The following NKD1 variants were observed in gnomAD, a reference collection of about 807,000 sequenced individuals.
NKD1 encodes the protein NKD inhibitor of Wnt signaling pathway 1.
NKD1 carries 21 observed loss-of-function variants against 56.0 expected under a neutral mutation model. The ratio of observed to expected loss-of-function variants is 0.38; its 90% CI spans 0.27 to 0.54. The LOEUF is 0.54. Among genes scored for constraint, NKD1 ranks in the 20% least tolerant of loss-of-function variants. The pLI, the probability that NKD1 is intolerant of heterozygous loss-of-function variation, is 0.82. For synonymous variants in NKD1, 263 were observed against 265.7 expected, an observed-to-expected ratio of 0.99 and a Z score of 0.10; for missense variants, 578 against 642.7, an observed-to-expected ratio of 0.90 and a Z score of 1.09.
chr16:50,626,535 G>A (rs1962219446), intron 6 of NKD1, among the ~76,000 whole-genome samples: 1 of 152,202 alleles, frequency 6.6e-6, no homozygotes, highest in Admixed American at 6.5e-5. Context: ...GACGCCAGGG[G>A]CTCAGGGTGT....
At chr16:50,571,549 C>T (rs916270489) in intron 3 of NKD1, 2 of 984,714 alleles carry the variant, frequency 2.0e-6, no homozygotes, top group Non-Finnish European at 1.2e-6. Context: ...CTCCCAGTCC[C>T]AGTGACGGGC....
intron 3 of NKD1, among the ~76,000 whole-genome samples, chr16:50,578,987 A>G (rs1484380748): frequency 6.6e-6 from 1 of 152,168 alleles, no homozygotes; most frequent in Non-Finnish European, 1.5e-5. Context: ...GTCATTGTGC[A>G]TGTGTTCCTG....
At chr16:50,627,621 C>G (rs1339060961) in intron 6 of NKD1, among the ~76,000 whole-genome samples, 1 of 152,234 alleles carries the variant, frequency 6.6e-6, no homozygotes, top group Non-Finnish European at 1.5e-5. Flanking sequence ...CAGATGGGCT[C>G]CCACCTCACG....
intron 3 of NKD1, among the ~76,000 whole-genome samples, chr16:50,585,503 C>T (rs1052207670): frequency 6.6e-6 from 1 of 152,194 alleles, no homozygotes; most frequent in Non-Finnish European, 1.5e-5. Flanking sequence ...GCAGCAGGCC[C>T]GATGGGGGAC....
chr16:50,575,998 C>T (rs1032763308), intron 3 of NKD1, among the ~76,000 whole-genome samples: 2 of 152,222 alleles, frequency 1.3e-5, no homozygotes, highest in Non-Finnish European at 2.9e-5. Flanking sequence ...CAAATGTAAA[C>T]AGTGCCAAGG....
intron 4 of NKD1, among the ~76,000 whole-genome samples, chr16:50,614,900 A>G (rs1395773269): frequency 6.6e-6 from 1 of 152,242 alleles, no homozygotes; most frequent in African/African-American, 2.4e-5. Context: ...GGGCCCGTGT[A>G]GGTGAGAGGG....
chr16:50,621,836 T>C, intron 5 of NKD1, 128 bp downstream of exon 5: 1 of 684,384 alleles, frequency 1.5e-6, no homozygotes, highest in East Asian at 2.8e-5. Flanking sequence ...CAGCACCCTC[T>C]GTGGGAGGTT....
chr16:50,627,556 C>T (rs1962250330), intron 6 of NKD1, among the ~76,000 whole-genome samples: 1 of 152,198 alleles, frequency 6.6e-6, no homozygotes, highest in Non-Finnish European at 1.5e-5. Context: ...CCTGACGCCA[C>T]CCCTCAAATT....
chr16:50,569,407 T>C (rs1960835455), intron 3 of NKD1, among the ~76,000 whole-genome samples: 1 of 152,178 alleles, frequency 6.6e-6, no homozygotes, highest in African/African-American at 2.4e-5. Flanking sequence ...TGCTTCCTTC[T>C]TCCCTTTCAT....
chr16:50,563,990 C>T (rs527530091), intron 3 of NKD1, among the ~76,000 whole-genome samples: 1 of 152,362 alleles, frequency 6.6e-6, no homozygotes, highest in East Asian at 1.9e-4. Flanking sequence ...CCCTGTGTGT[C>T]AGGCTAAACT....
chr16:50,606,941 C>T (rs1218949078), intron 3 of NKD1: 21 of 456,634 alleles, frequency 4.6e-5, no homozygotes, highest in Admixed American at 3.3e-4. Flanking sequence ...TTCCTGTCAT[C>T]GTCTCCCAGC....
intron 3 of NKD1, among the ~76,000 whole-genome samples, chr16:50,554,741 C>T (rs1960464146): frequency 6.6e-6 from 1 of 152,178 alleles, no homozygotes; most frequent in South Asian, 2.1e-4. Flanking sequence ...GCCTCAGCCT[C>T]CTGAGTAGCT....
At position 50,643,113 on chromosome 16, in the gene NKD1, C is replaced by G. The variant is rs1046238611; in HGVS notation, c.*9332C>G. 1 of 152,240 alleles carries G rather than the reference C, an allele frequency of 6.6e-6. No individual in the cohort carries two copies. Among genetic ancestry groups the G allele is most frequent in the Admixed American group, 6.5e-5 (1 of 15,276 alleles). The allele number at this position is 152,240 out of a possible 1,614,324, so 9.4% of individuals were successfully genotyped here. On this transcript the variant is annotated 3_prime_UTR_variant, in exon 10 of 10. Transcript: ENST00000268459. ...AGAGGTGGCCTCTGGAGCAATGCTT[C>G]GCTACCCTACATCTGGGTCTGTCCT...
Position 50,645,344 on chromosome 16 carries a change from C to A in NKD1, c.*11563C>A, listed in dbSNP as rs1395278978. The A allele has an allele frequency of 1.3e-5, 2 of 152,196 alleles. No homozygotes were observed. The highest frequency in any genetic ancestry group is 3.9e-4 in the East Asian group (2 of 5,184). The allele number at this position is 152,196 out of a possible 1,614,324, so 9.4% of individuals were successfully genotyped here. A position where few individuals can be genotyped will look rare whatever the true frequency, so the allele number is the denominator to read the frequency against. On this transcript the variant is annotated 3_prime_UTR_variant, in exon 10 of 10. Coordinates refer to ENST00000268459, the MANE Select transcript of NKD1 (RefSeq NM_033119.5). ...TGCAGAGGGACTCTCCAGGAAGCCA[C>A]ATTTAGGGGGTGACCTCAAGGGTGA... is the stretch of plus-strand genomic sequence containing the variant.
chr16:50,629,186 C>T (rs1962289136), intron 6 of NKD1, among the ~76,000 whole-genome samples: 1 of 152,042 alleles, frequency 6.6e-6, no homozygotes, highest in Non-Finnish European at 1.5e-5. Context: ...TGGTCTTGAA[C>T]TTCTGGGCTG....
intron 3 of NKD1, chr16:50,552,105 C>T (rs1166510894): frequency 6.6e-6 from 1 of 152,226 alleles, no homozygotes; most frequent in East Asian, 1.9e-4. Context: ...GGGCTAGTCT[C>T]TGCCTCTAGT....
At chr16:50,578,622 A>T (rs1961041075) in intron 3 of NKD1, among the ~76,000 whole-genome samples, 1 of 152,198 alleles carries the variant, frequency 6.6e-6, no homozygotes, top group African/African-American at 2.4e-5. Context: ...TCAGATACCC[A>T]CACTGTGTAC....
intron 3 of NKD1, among the ~76,000 whole-genome samples, chr16:50,596,959 G>A (rs2151273009): frequency 6.6e-6 from 1 of 152,298 alleles, no homozygotes; most frequent in African/African-American, 2.4e-5. Context: ...CAGCAAGGAC[G>A]CCTGTGTGGC....
At chr16:50,620,095 G>A (rs963437358) in intron 4 of NKD1, among the ~76,000 whole-genome samples, 2 of 152,284 alleles carry the variant, frequency 1.3e-5, no homozygotes, top group African/African-American at 4.8e-5. Context: ...TCATGAGGAT[G>A]GACTTGGTAA....
Sources: allele counts gnomAD v4.1 joint callset (sites outside exome capture counted in the v4.1 genomes callset), GRCh38; gene constraint gnomAD v4.1.1; transcripts MANE v1.5; gene names NCBI Gene and HGNC (gene_info 2026-07-23, HGNC 2026-07-21).